MEGF11: variants seen among roughly 807,000 people sequenced by gnomAD.
The protein encoded by MEGF11 is multiple epidermal growth factor-like domains protein 11.
Under a neutral mutation model 146.6 loss-of-function variants are expected in MEGF11, and 126 were observed. The ratio of observed to expected loss-of-function variants is 0.86; its 90% confidence interval spans 0.74 to 1.00. The LOEUF is 1.00. Among genes scored for constraint, MEGF11 ranks in the 50% least tolerant of loss-of-function variants. MEGF11 has a pLI of 0.00. For synonymous variants in MEGF11, 532 were observed against 583.4 expected, an observed-to-expected ratio of 0.91 and a Z score of 1.27; for missense variants, 1,509 against 1,521.2, an observed-to-expected ratio of 0.99 and a Z score of 0.13.
At chr15:66,107,028 G>A (rs1280222798) in intron 4 of MEGF11, among the ~76,000 whole-genome samples, 4 of 150,666 alleles carry the variant, frequency 2.7e-5, no homozygotes, top group Non-Finnish European at 4.4e-5. Context: ...GGGGTGCCAA[G>A]CCTGTAGTTC....
chr15:66,097,519 A>G (rs2086604890), intron 4 of MEGF11, among the ~76,000 whole-genome samples: 1 of 152,138 alleles, frequency 6.6e-6, no homozygotes, highest in Non-Finnish European at 1.5e-5. Flanking sequence ...TTACAACTCT[A>G]AACAGAGTGT....
At chr15:66,179,894 C>T (rs989298224) in intron 1 of MEGF11, among the ~76,000 whole-genome samples, 5 of 147,360 alleles carry the variant, frequency 3.4e-5, no homozygotes, top group African/African-American at 5.0e-5. Context: ...CTGGATTGCT[C>T]TGTCTCCTAC....
intron 1 of MEGF11, among the ~76,000 whole-genome samples, chr15:66,219,105 G>A (rs1249790415): frequency 6.6e-6 from 1 of 151,646 alleles, no homozygotes; most frequent in Admixed American, 6.6e-5. Flanking sequence ...GGTCTTAAAT[G>A]TAACATGTAA....
At chr15:66,081,784 A>G (rs2085867319) in intron 5 of MEGF11, among the ~76,000 whole-genome samples, 1 of 152,244 alleles carries the variant, frequency 6.6e-6, no homozygotes, top group African/African-American at 2.4e-5. Context: ...GTTAAGGCAC[A>G]GGACTTCTGC....
chr15:66,106,051 T>G (rs2087058597), intron 4 of MEGF11, among the ~76,000 whole-genome samples: 1 of 152,256 alleles, frequency 6.6e-6, no homozygotes, highest in African/African-American at 2.4e-5. Context: ...CTGCGTCCAT[T>G]GTGGGAATGA....
chr15:65,959,293 A>G (rs935680574), intron 9 of MEGF11, among the ~76,000 whole-genome samples: 3 of 152,200 alleles, frequency 2.0e-5, no homozygotes, highest in African/African-American at 7.2e-5. Context: ...TAATTGTGTG[A>G]AGCCTAGCCA....
rs2082015979 is a variant in MEGF11, at chr15:65,990,716, A to AGAAAGAAAGAAAGAAAGG, written c.395-8229_395-8228insCCTTTCTTTCTTTCTTTC. ...AAGAGAAAGAAAGAAAGGAAGGAAG[A>AGAAAGAAAGAAAGAAAGG]AAGAAAGAAAGAAAGAAAGAAAAAG... On this transcript the variant is annotated intron_variant, in intron 5 of 25. Transcript: ENST00000395614. 2.6e-4 allele frequency among the ~76,000 whole-genome samples: 3 copies of AGAAAGAAAGAAAGAAAGG among 11,762 alleles called. No individual in the cohort carries two copies. The East Asian group carries it at 0.14, about 535-fold the overall frequency. The allele number at this position is 11,762 out of a possible 152,430, so 7.7% of individuals were successfully genotyped here. A position where few individuals can be genotyped will look rare whatever the true frequency, so the allele number is the denominator to read the frequency against.
intron 1 of MEGF11, among the ~76,000 whole-genome samples, chr15:66,210,730 G>A (rs72746205): frequency 0.047 from 7,130 of 152,252 alleles, 253 homozygotes; most frequent in Middle Eastern, 0.095. Flanking sequence ...CCCTCCCAAG[G>A]CTAGATTCCT....
At chr15:66,023,846 C>G (rs980274498) in intron 5 of MEGF11, among the ~76,000 whole-genome samples, 1 of 152,150 alleles carries the variant, frequency 6.6e-6, no homozygotes, top group African/African-American at 2.4e-5. Flanking sequence ...ACAGCCCTGC[C>G]GAGAAAGACT....
At chr15:65,934,273 C>T (rs1313809365) in intron 10 of MEGF11, among the ~76,000 whole-genome samples, 1 of 151,986 alleles carries the variant, frequency 6.6e-6, no homozygotes, top group Non-Finnish European at 1.5e-5. Context: ...GTTTTTGAGT[C>T]GGAGTTTCGC....
chr15:66,110,574 C>T (rs980871835), intron 4 of MEGF11, among the ~76,000 whole-genome samples: 3 of 152,164 alleles, frequency 2.0e-5, no homozygotes, highest in African/African-American at 7.2e-5. Flanking sequence ...TCTGCATCCC[C>T]AGGACCTAGT....
intron 7 of MEGF11, among the ~76,000 whole-genome samples, chr15:65,974,832 G>A (rs1015935513): frequency 7.5e-6 from 1 of 133,686 alleles, no homozygotes; most frequent in African/African-American, 2.7e-5. Flanking sequence ...GGCTGGATAA[G>A]GACACTCTTG....
chr15:65,974,634 AAC>A (rs1170638374), intron 7 of MEGF11, among the ~76,000 whole-genome samples: 1 of 152,134 alleles, frequency 6.6e-6, no homozygotes, highest in African/African-American at 2.4e-5. Context: ...CAGCCTGGGC[AAC>A]ACAGTGAGAC....
chr15:66,164,561 CTGGA>C (rs1348977731), intron 1 of MEGF11, among the ~76,000 whole-genome samples: 1 of 152,154 alleles, frequency 6.6e-6, no homozygotes, highest in Non-Finnish European at 1.5e-5. Context: ...TCCTGTCCCA[CTGGA>C]CCTTTCTCAC....
chr15:66,178,234 C>T (rs879537020), intron 1 of MEGF11, among the ~76,000 whole-genome samples: 28 of 152,192 alleles, frequency 1.8e-4, no homozygotes, highest in Admixed American at 2.0e-4. Context: ...GATCTGCCTT[C>T]CTCGGCTTCC....
chr15:65,932,960 ATC>A, intron 10 of MEGF11, among the ~76,000 whole-genome samples: 1 of 152,048 alleles, frequency 6.6e-6, no homozygotes, highest in East Asian at 1.9e-4. Context: ...CAGTTCCCGC[ATC>A]TCTGAAATGA....
chr15:65,988,667 T>A, intron 5 of MEGF11, among the ~76,000 whole-genome samples: 1 of 152,210 alleles, frequency 6.6e-6, no homozygotes. Context: ...GTACTAGGAA[T>A]AATAAATAAT....
At chr15:65,993,668 G>A (rs1223311170) in intron 5 of MEGF11, among the ~76,000 whole-genome samples, 1 of 152,184 alleles carries the variant, frequency 6.6e-6, no homozygotes, top group African/African-American at 2.4e-5. Flanking sequence ...GGGAGGGAGA[G>A]GGTAGGGATC....
At chr15:65,910,309 G>T (rs2078760292) in intron 21 of MEGF11, among the ~76,000 whole-genome samples, 1 of 152,144 alleles carries the variant, frequency 6.6e-6, no homozygotes, top group African/African-American at 2.4e-5. Flanking sequence ...GGCTTATATT[G>T]TAGTCCTTCC....
Sources: gnomAD v4.1 joint callset for allele counts (sites outside exome capture counted in the v4.1 genomes callset) on GRCh38, gnomAD v4.1.1 for gene constraint, MANE v1.5 for transcripts, NCBI Gene and HGNC (gene_info 2026-07-23, HGNC 2026-07-21) for gene names.